BMP7: variants seen among roughly 807,000 people sequenced by gnomAD.
BMP7 encodes the protein bone morphogenetic protein 7, also known as osteogenic protein 1.
A neutral mutation model predicts 41.2 loss-of-function variants in BMP7; 12 were observed. That is an observed-to-expected ratio of 0.29 (90% CI 0.19 to 0.47). BMP7 has a LOEUF of 0.47. Among genes scored for constraint, BMP7 ranks in the 20% least tolerant of loss-of-function variants. The pLI is 0.99. For synonymous variants in BMP7, 248 were observed against 250.0 expected (o/e 0.99, Z 0.07); for missense variants, 467 against 606.0 (o/e 0.77, Z 2.41).
chr20:57,220,042 C>T (rs908719947), intron 2 of BMP7, among the ~76,000 whole-genome samples: 9 of 152,108 alleles, frequency 5.9e-5, no homozygotes, highest in African/African-American at 2.2e-4. Flanking sequence ...GCCTTGGTCC[C>T]AGGAGGAGAA....
intron 3 of BMP7, among the ~76,000 whole-genome samples, chr20:57,199,487 T>C (rs183183815): frequency 1.3e-5 from 2 of 152,234 alleles, no homozygotes; most frequent in Non-Finnish European, 2.9e-5. Context: ...CAAAACCACA[T>C]GTACCCCTAA....
At chr20:57,192,339 AT>A (rs1044464713) in intron 3 of BMP7, among the ~76,000 whole-genome samples, 4 of 143,970 alleles carry the variant, frequency 2.8e-5, no homozygotes, top group African/African-American at 7.7e-5. Context: ...TATATTATGT[AT>A]TTTTTATGTG....
At chr20:57,182,651 C>T (rs1010858310) in intron 4 of BMP7, among the ~76,000 whole-genome samples, 10 of 152,208 alleles carry the variant, frequency 6.6e-5, no homozygotes, top group Admixed American at 5.2e-4. Flanking sequence ...CTTAGACAAA[C>T]GACTTACCCT....
chr20:57,265,305 CCCAGGAAGGGCGGCAAGGCAGCCTCG>C (rs2066171774), intron 1 of BMP7, among the ~76,000 whole-genome samples: 1 of 152,200 alleles, frequency 6.6e-6, no homozygotes, highest in Admixed American at 6.5e-5. Flanking sequence ...CTGAGAGGGG[CCCAGGAAGGGCGGCAAGGCAGCCTCG>C]CCGGGAAGGG....
chr20:57,216,871 T>C (rs2123106116), intron 2 of BMP7, among the ~76,000 whole-genome samples: 1 of 152,066 alleles, frequency 6.6e-6, no homozygotes, highest in Admixed American at 6.5e-5. Flanking sequence ...GGAGGAGAAA[T>C]GCTGTCTACA....
chr20:57,248,894 G>C (rs1483644866), intron 1 of BMP7, among the ~76,000 whole-genome samples: 4 of 151,998 alleles, frequency 2.6e-5, no homozygotes, highest in Non-Finnish European at 5.9e-5. Flanking sequence ...CGCCTCCTGG[G>C]TTCACGCCAT....
chr20:57,171,079 G>T lies in BMP7; in HGVS notation c.1176C>A (p.Pro392=), dbSNP rs566633342. 6.2e-6 allele frequency: 10 copies of T among 1,614,232 alleles called. No individual in the cohort carries two copies. In the African/African-American group the frequency reaches 1.3e-4, roughly 22 times the overall value. Reference sequence around the variant, plus strand: ...GCTGCGTGGGCGCACAGCAGGGCTTGGGCACCGTTTCCGGGTTGATGAAGT... The same window carrying T: ...GCTGCGTGGGCGCACAGCAGGGCTTTGGCACCGTTTCCGGGTTGATGAAGT... ...LVHFINPETV[P]KPCCAPTQLN... The change falls in exon 7 of 7, where the codon CCC becomes CCA. Residue 392 remains proline, a synonymous_variant. Transcript: ENST00000395863. This position sits in a 1 kb window ranked among gnomAD's most constrained non-coding sequence, Gnocchi z 4.5.
At chr20:57,192,835 G>A (rs1984404499) in intron 3 of BMP7, among the ~76,000 whole-genome samples, 1 of 151,834 alleles carries the variant, frequency 6.6e-6, no homozygotes, top group Non-Finnish European at 1.5e-5. Context: ...CGAGGGACAT[G>A]CTGAACTAAG....
Position 57,214,514 on chromosome 20 carries a change from C to G in BMP7, c.612-11891G>C, listed in dbSNP as rs568032186. 6.6e-5 allele frequency among the ~76,000 whole-genome samples: 10 copies of G among 152,086 alleles called. No homozygotes were observed. Among genetic ancestry groups the G allele is most frequent in the Non-Finnish European group, 1.3e-4 (9 of 68,008 alleles). ...CCAACCTGTAAGGCCCTGGATGGTC[C>G]GGCCCCTGTCTCCACAGCCTCCTCC... On this transcript the variant is annotated intron_variant, in intron 2 of 6. Transcript: ENST00000395863. This position sits in a 1 kb window ranked among gnomAD's most constrained non-coding sequence, Gnocchi z 4.0.
chr20:57,257,362 A>G (rs978358983), intron 1 of BMP7, among the ~76,000 whole-genome samples: 2 of 152,186 alleles, frequency 1.3e-5, no homozygotes, highest in Middle Eastern at 3.2e-3. Context: ...CATGACTGCA[A>G]ACTTAATTAA....
At chr20:57,217,923 A>C (rs1273543512) in intron 2 of BMP7, among the ~76,000 whole-genome samples, 3 of 152,192 alleles carry the variant, frequency 2.0e-5, no homozygotes, top group Non-Finnish European at 1.5e-5. Context: ...GTTTCTGTGG[A>C]TCTGTCTGTG....
chr20:57,199,630 A>C (rs764284450), intron 3 of BMP7, among the ~76,000 whole-genome samples: 1 of 152,160 alleles, frequency 6.6e-6, no homozygotes, highest in Non-Finnish European at 1.5e-5. Flanking sequence ...CAGGCTTGAG[A>C]TCCTCCACGG....
intron 2 of BMP7, among the ~76,000 whole-genome samples, chr20:57,217,704 A>C (rs1326296832): frequency 6.6e-6 from 1 of 152,210 alleles, no homozygotes; most frequent in Non-Finnish European, 1.5e-5. Context: ...GCCCCAGGGA[A>C]TGTGGCCACT....
intron 3 of BMP7, among the ~76,000 whole-genome samples, chr20:57,193,664 T>C (rs1984427880): frequency 6.6e-6 from 1 of 152,236 alleles, no homozygotes; most frequent in Admixed American, 6.5e-5. Context: ...TAGCATAATT[T>C]GTTTATCCAT....
chr20:57,170,949 C>T lies in BMP7; in HGVS notation c.*10G>A, dbSNP rs774733406. Reference sequence around the variant, plus strand: ...AACTTGGCCCCAAAGGGTCTGAATTCTCGGAGGAGCTAGTGGCAGCCACAG... The same window carrying T: ...AACTTGGCCCCAAAGGGTCTGAATTTTCGGAGGAGCTAGTGGCAGCCACAG... On this transcript the variant is annotated 3_prime_UTR_variant, in exon 7 of 7. Coordinates refer to ENST00000395863, the MANE Select transcript of BMP7 (RefSeq NM_001719.3). The T allele has an allele frequency of 9.9e-6, 16 of 1,612,928 alleles. No individual in the cohort carries two copies. In the South Asian group the frequency reaches 1.2e-4, roughly 12 times the overall value.
At chr20:57,250,180 C>T (rs2066106312) in intron 1 of BMP7, among the ~76,000 whole-genome samples, 1 of 151,898 alleles carries the variant, frequency 6.6e-6, no homozygotes, top group South Asian at 2.1e-4. Context: ...CCTATAATCC[C>T]AGCACTTTGG....
chr20:57,264,740 G>T (rs1381464606), intron 1 of BMP7, among the ~76,000 whole-genome samples: 1 of 151,894 alleles, frequency 6.6e-6, no homozygotes, highest in East Asian at 1.9e-4. Context: ...TAAAATAGAA[G>T]ACTAGCGGCA....
chr20:57,190,687 C>T (rs73181099), intron 3 of BMP7, among the ~76,000 whole-genome samples: 7,180 of 152,156 alleles, frequency 0.047, 221 homozygotes, highest in Non-Finnish European at 0.074. Flanking sequence ...TCCTGCCCGC[C>T]CCTCCTCCAG....
chr20:57,217,893 T>C (rs1053467940), intron 2 of BMP7, among the ~76,000 whole-genome samples: 4 of 152,248 alleles, frequency 2.6e-5, no homozygotes, highest in Non-Finnish European at 5.9e-5. Context: ...TGCGCATCTG[T>C]GTGCTGTGTC....
Sources: allele counts gnomAD v4.1 joint callset (sites outside exome capture counted in the v4.1 genomes callset), GRCh38; gene constraint gnomAD v4.1.1; non-coding constraint Gnocchi (gnomAD v3.1); transcripts MANE v1.5; gene names NCBI Gene and HGNC (gene_info 2026-07-23, HGNC 2026-07-21).